The following ABL2 variants were observed in gnomAD, a reference collection of about 807,000 sequenced individuals.
ABL2 encodes the protein ABL proto-oncogene 2, non-receptor tyrosine kinase.
Under a neutral mutation model 107.7 loss-of-function variants are expected in ABL2, and 49 were observed. The observed-to-expected ratio is 0.45, with a 90% CI of 0.36 to 0.58. The LOEUF (loss-of-function observed/expected upper bound fraction) is 0.58, where lower values mean the gene tolerates loss of function less well. Ranked by LOEUF, ABL2 falls within the 20% of genes least tolerant of loss-of-function variation. ABL2 has a pLI of 0.00. For missense variants in ABL2, 1,245 were observed against 1,457.0 expected (o/e 0.85, Z 2.37); for synonymous variants, 549 against 548.6 (o/e 1.00, Z -0.01).
intron 7 of ABL2, 52 bp downstream of exon 7, chr1:179,118,535 T>C: frequency 6.5e-7 from 1 of 1,544,848 alleles, no homozygotes; most frequent in Non-Finnish European, 8.8e-7. Flanking sequence ...TCCTTTTATC[T>C]GCATGTCAAG....
In ABL2 at chr1:179,117,359, T is replaced by C. The variant is rs1654754215; in HGVS notation, c.1381A>G (p.Thr461Ala). 1.2e-6 allele frequency: 2 copies of C among 1,613,810 alleles called. No homozygotes were observed. The highest frequency in any genetic ancestry group is 2.2e-5 in the East Asian group (1 of 44,882). ...WTAPESLAYN[T>A]FSIKSDVWAF... The stretch of plus-strand genomic sequence containing the variant: ...CAGACGTCAGATTTAATTGAGAAGG[T>C]ATTGTAGGCAAGACTCTCTGGTGCT... The change falls in exon 8 of 12, where the codon ACC becomes GCC. Residue 461 changes from threonine (T) to alanine (A), a missense_variant. Thr to Ala is a moderately conservative substitution (Grantham distance 58). Around this residue, in one of 3 missense-constraint regions of ABL2, gnomAD observed 320 missense variants for 547.0 expected, o/e 0.59. Transcript: ENST00000502732.
Position 179,148,845 on chromosome 1 carries a change from C to T in ABL2, c.158-15471G>A, listed in dbSNP as rs151161177. On this transcript the variant is annotated intron_variant, in intron 1 of 11. Transcript: ENST00000502732. The stretch of plus-strand genomic sequence containing the variant: ...AACCTGGGAGGCAGAGGTTGCAGTA[C>T]GCCGAGATCATGCCACTGCACTCCA... Among the ~76,000 whole-genome samples the T allele has an allele frequency of 2.3e-3, 339 of 147,240 alleles. 3 individuals carry two copies. The highest frequency in any genetic ancestry group is 7.9e-3 in the African/African-American group (312 of 39,668).
intron 1 of ABL2, among the ~76,000 whole-genome samples, chr1:179,213,159 T>C (rs1571330228): frequency 1.3e-5 from 2 of 152,102 alleles, no homozygotes; most frequent in Non-Finnish European, 2.9e-5. Context: ...TATATGTCTA[T>C]CTAAAATATT....
At chr1:179,136,708 A>G (rs1657030753) in intron 1 of ABL2, among the ~76,000 whole-genome samples, 3 of 121,756 alleles carry the variant, frequency 2.5e-5, no homozygotes, top group African/African-American at 9.4e-5. Context: ...ATGATCAATA[A>G]AAAATAAATA....
At chr1:179,224,152 A>AC (rs1663056616) in intron 1 of ABL2, among the ~76,000 whole-genome samples, 1 of 150,308 alleles carries the variant, frequency 6.7e-6, no homozygotes, top group African/African-American at 2.4e-5. Context: ...AAAAAAAAAA[A>AC]AAAAAACTAC....
intron 1 of ABL2, among the ~76,000 whole-genome samples, chr1:179,165,260 C>A (rs1448803586): frequency 6.6e-6 from 1 of 152,040 alleles, no homozygotes; most frequent in East Asian, 1.9e-4. Flanking sequence ...AGGTATATAC[C>A]AATAAACTGG....
At chr1:179,176,014 C>T (rs566096304) in intron 1 of ABL2, among the ~76,000 whole-genome samples, 1 of 152,018 alleles carries the variant, frequency 6.6e-6, no homozygotes, top group East Asian at 1.9e-4. Context: ...TGCCACCACG[C>T]CCGGCTAATT....
intron 1 of ABL2, among the ~76,000 whole-genome samples, chr1:179,173,961 C>A (rs1454232371): frequency 6.6e-6 from 1 of 152,044 alleles, no homozygotes; most frequent in East Asian, 1.9e-4. Flanking sequence ...CTCAAGAAAA[C>A]CCTGAAGTAT....
Position 179,229,403 on chromosome 1 carries a change from C to T in ABL2, c.-6G>A, listed in dbSNP as rs1244460560. ...CGGCCCACCTGCTGCCCCATCCCTG[C>T]TCTCGCGTACTCCCGCGCCCCCGCC... On this transcript the variant is annotated 5_prime_UTR_variant, in exon 1 of 12. Transcript: ENST00000502732. The T allele has an allele frequency of 1.3e-6, 2 of 1,509,594 alleles. No homozygotes were observed. Among genetic ancestry groups the T allele is most frequent in the Non-Finnish European group, 1.8e-6 (2 of 1,139,608 alleles). The allele number at this position is 1,509,594 out of a possible 1,614,324, so 93.5% of individuals were successfully genotyped here.
At chr1:179,152,308 A>G (rs558576687) in intron 1 of ABL2, among the ~76,000 whole-genome samples, 30 of 152,336 alleles carry the variant, frequency 2.0e-4, no homozygotes, top group African/African-American at 6.0e-4. Context: ...TCAGTTTGGC[A>G]TGTCCTTTGG....
chr1:179,124,378 C>T (rs1472617088), intron 4 of ABL2, among the ~76,000 whole-genome samples: 1 of 151,732 alleles, frequency 6.6e-6, no homozygotes, highest in African/African-American at 2.4e-5. Flanking sequence ...GATCAGCACC[C>T]CAGAAGCCTC....
At chr1:179,165,926 G>A (rs1659351301) in intron 1 of ABL2, among the ~76,000 whole-genome samples, 1 of 152,158 alleles carries the variant, frequency 6.6e-6, no homozygotes, top group African/African-American at 2.4e-5. Flanking sequence ...CTCCCAAGTA[G>A]CTGGGATTAC....
In ABL2 at chr1:179,229,623, GCGCCCCCAACGCCGCCGCCGCCGCCGC is replaced by G; in HGVS notation, c.-253_-227del. The G allele has an allele frequency of 2.0e-6, 1 of 495,206 alleles. No homozygotes were observed. The highest frequency in any genetic ancestry group is 3.4e-6 in the Non-Finnish European group (1 of 295,110). The allele number at this position is 495,206 out of a possible 1,614,324, so 30.7% of individuals were successfully genotyped here. A position where few individuals can be genotyped will look rare whatever the true frequency, so the allele number is the denominator to read the frequency against. Reference sequence around the variant, plus strand: ...TTTTCCCTCCTCCTGTCGCGGCTCCGCGCCCCCAACGCCGCCGCCGCCGCCGCCGCCACCGCCGCCGCCATCTTTAAA... The same window carrying G: ...TTTTCCCTCCTCCTGTCGCGGCTCCGCGCCACCGCCGCCGCCATCTTTAAA... On this transcript the variant is annotated 5_prime_UTR_variant, in exon 1 of 12. Transcript: ENST00000502732.
At chr1:179,114,742 T>A in intron 9 of ABL2, 136 bp downstream of exon 9, 1 of 882,130 alleles carries the variant, frequency 1.1e-6, no homozygotes. Context: ...AACTGGCTGA[T>A]CAATGATAAA....
intron 1 of ABL2, among the ~76,000 whole-genome samples, chr1:179,180,138 AG>A (rs201626751): frequency 8.6e-4 from 129 of 149,448 alleles, no homozygotes; most frequent in African/African-American, 1.5e-3. Context: ...AAAAAAAAAA[AG>A]GGGGGAAATA....
chr1:179,227,993 T>C (rs906178808), intron 1 of ABL2, among the ~76,000 whole-genome samples: 2 of 131,646 alleles, frequency 1.5e-5, no homozygotes, highest in Non-Finnish European at 3.0e-5. Flanking sequence ...GAGGTTGCAG[T>C]GAGCCAAGAT....
intron 1 of ABL2, among the ~76,000 whole-genome samples, chr1:179,196,075 A>C (rs2102831559): frequency 6.6e-6 from 1 of 152,316 alleles, no homozygotes; most frequent in Non-Finnish European, 1.5e-5. Flanking sequence ...GGATCACTTG[A>C]GGCCAGGAGT....
At chr1:179,207,349 A>G (rs571755042) in intron 1 of ABL2, among the ~76,000 whole-genome samples, 4 of 152,286 alleles carry the variant, frequency 2.6e-5, no homozygotes, top group South Asian at 4.1e-4. Flanking sequence ...ACTATACATT[A>G]TAAGTCCAGA....
chr1:179,106,016 T>G lies in ABL2; in HGVS notation c.*1702A>C, dbSNP rs1026044965. On this transcript the variant is annotated 3_prime_UTR_variant, in exon 12 of 12. Transcript: ENST00000502732. ...AATTAAATAGATTAAGAGATGAGGC[T>G]GTGGTTTGACAGTGTATCAATGACA... 4.5e-6 allele frequency: 1 copy of G among 219,904 alleles called. No homozygotes were observed. Among genetic ancestry groups the G allele is most frequent in the African/African-American group, 2.2e-5 (1 of 44,616 alleles). 13.6% of individuals were successfully genotyped at this position (219,904 alleles called of 1,614,324 possible).
Sources: allele counts gnomAD v4.1 joint callset (sites outside exome capture counted in the v4.1 genomes callset), GRCh38; gene constraint gnomAD v4.1.1; regional missense constraint gnomAD v4.1.1; transcripts MANE v1.5; gene names NCBI Gene and HGNC (gene_info 2026-07-23, HGNC 2026-07-21).